OSBP2: variants seen among roughly 807,000 people sequenced by gnomAD.
OSBP2 encodes the protein oxysterol binding protein 2.
Under a neutral mutation model 96.0 loss-of-function variants are expected in OSBP2, and 66 were observed. That is an observed-to-expected ratio of 0.69 (90% CI 0.56 to 0.84). OSBP2 has a LOEUF of 0.84. Ranked by LOEUF, OSBP2 falls within the 40% of genes least tolerant of loss-of-function variation. OSBP2 has a pLI of 0.00. For synonymous variants in OSBP2, 525 were observed against 520.9 expected, an observed-to-expected ratio of 1.01 and a Z score of -0.11; for missense variants, 1,038 against 1,222.7, an observed-to-expected ratio of 0.85 and a Z score of 2.25.
chr22:30,722,875 T>G (rs2089576525), intron 1 of OSBP2, among the ~76,000 whole-genome samples: 1 of 149,948 alleles, frequency 6.7e-6, no homozygotes, highest in African/African-American at 2.5e-5. Context: ...GCTTTTACCT[T>G]CTGAGCTCAA....
chr22:30,904,622 G>A (rs2040288869), intron 12 of OSBP2, among the ~76,000 whole-genome samples: 1 of 150,604 alleles, frequency 6.6e-6, no homozygotes, highest in African/African-American at 2.5e-5. Context: ...ACACACATTA[G>A]GAAAGATGGA....
rs1458624077 is a variant in OSBP2, at chr22:30,784,247, TATTTATTTATTA to T, written c.853+42891_853+42902del. Among the ~76,000 whole-genome samples the T allele has an allele frequency of 2.6e-5, 4 of 152,104 alleles. No homozygotes were observed. In the East Asian group the frequency reaches 7.7e-4, roughly 29 times the overall value. On this transcript the variant is annotated intron_variant, in intron 2 of 13. Coordinates refer to ENST00000332585, the MANE Select transcript of OSBP2 (RefSeq NM_030758.4). The stretch of plus-strand genomic sequence containing the variant: ...AACCATTCAACAAGTGTGATTTATT[TATTTATTTATTA>T]ATTTATTTATTATTTTGAGACAGGG...
intron 1 of OSBP2, among the ~76,000 whole-genome samples, chr22:30,725,547 A>AAC (rs1569097942): frequency 1.3e-5 from 2 of 149,446 alleles, no homozygotes. Context: ...AACAAAAACA[A>AAC]AAAAAAAAAC....
intron 1 of OSBP2, among the ~76,000 whole-genome samples, chr22:30,730,774 C>CTCTCTCTA (rs1569100458): frequency 8.0e-4 from 11 of 13,830 alleles, no homozygotes; most frequent in Non-Finnish European, 9.5e-4. Flanking sequence ...CTCTCTCTCT[C>CTCTCTCTA]TATATATATA....
intron 2 of OSBP2, chr22:30,822,508 G>GGACCCACGAGAGTCCGCCGCCTC: frequency 7.4e-7 from 1 of 1,348,416 alleles, no homozygotes; most frequent in Non-Finnish European, 9.5e-7. Flanking sequence ...CGCGGCGCCG[G>GGACCCACGAGAGTCCGCCGCCTC]GACCCACGAG....
chr22:30,718,951 T>C (rs1456026881), intron 1 of OSBP2, among the ~76,000 whole-genome samples: 1 of 152,324 alleles, frequency 6.6e-6, no homozygotes. Context: ...GAATTTTTTA[T>C]TTTCAGAAAA....
chr22:30,754,094 GTCTT>G (rs1225700891), intron 2 of OSBP2, among the ~76,000 whole-genome samples: 2 of 152,112 alleles, frequency 1.3e-5, no homozygotes, highest in Non-Finnish European at 2.9e-5. Flanking sequence ...ATTACTCTGA[GTCTT>G]TCTTTCTGCT....
intron 2 of OSBP2, among the ~76,000 whole-genome samples, chr22:30,853,916 T>C (rs1386821935): frequency 2.6e-5 from 4 of 152,036 alleles, no homozygotes; most frequent in African/African-American, 9.7e-5. Flanking sequence ...CCCGCCACCA[T>C]GCCCGGCTAA....
Position 30,894,021 on chromosome 22 carries a change from G to GC in OSBP2, c.2375+24dup. On this transcript the variant is annotated intron_variant, in intron 12 of 13. Transcript: ENST00000332585. Reference sequence around the variant, plus strand: ...GCTGCCGTGAGTAGGGCTGGCAGGGGCCCCGCCACAGGCAAAGGAGAGGGA... The same window carrying GC: ...GCTGCCGTGAGTAGGGCTGGCAGGGGCCCCCGCCACAGGCAAAGGAGAGGGA... The GC allele has an allele frequency of 6.3e-7, 1 of 1,575,102 alleles. No homozygotes were observed. The highest frequency in any genetic ancestry group is 8.6e-7 in the Non-Finnish European group (1 of 1,162,772).
intron 2 of OSBP2, among the ~76,000 whole-genome samples, chr22:30,778,595 A>G (rs940764437): frequency 1.3e-5 from 2 of 151,896 alleles, no homozygotes; most frequent in Non-Finnish European, 2.9e-5. Context: ...GGAAAATTCT[A>G]TTGGGTAGTG....
chr22:30,694,305 G>T, upstream of OSBP2: 1 of 1,549,132 alleles, frequency 6.5e-7, no homozygotes. Context: ...GCCACTTGGG[G>T]CCACCGCTTC....
At chr22:30,828,996 C>T (rs1372880989) in intron 2 of OSBP2, among the ~76,000 whole-genome samples, 1 of 152,152 alleles carries the variant, frequency 6.6e-6, no homozygotes, top group Non-Finnish European at 1.5e-5. Flanking sequence ...AAGCACCAGC[C>T]CTGTGCGCTT....
At position 30,889,233 on chromosome 22, in the gene OSBP2, A is replaced by G. The variant is rs753893861; in HGVS notation, c.1475A>G (p.Asn492Ser). ...TSSVDWSSAD[N>S]VLDGASLVPK... Reference sequence around the variant, plus strand: ...TCCGTGGACTGGAGCTCAGCAGACAATGTAAGTGAGGGGGAGCACTGTAAG... The same window carrying G: ...TCCGTGGACTGGAGCTCAGCAGACAGTGTAAGTGAGGGGGAGCACTGTAAG... Residue 492 changes from asparagine to serine, a missense_variant and splice_region_variant, in exon 6 of 14, where the codon AAT becomes AGT. Around this residue, in one of 3 missense-constraint regions of OSBP2, gnomAD observed 737 missense variants for 913.3 expected, o/e 0.81. Transcript: ENST00000332585. 5 of 1,612,736 alleles carry G rather than the reference A, an allele frequency of 3.1e-6. No homozygotes were observed. The highest frequency in any genetic ancestry group is 1.1e-5 in the South Asian group (1 of 91,008).
chr22:30,888,391 C>T (rs764486694), intron 5 of OSBP2, 51 bp downstream of exon 5: 12 of 1,094,196 alleles, frequency 1.1e-5, no homozygotes, highest in Non-Finnish European at 1.7e-5. Context: ...TCTTAGGCTG[C>T]ATCTGGTCTT....
At chr22:30,765,834 C>T (rs16989072) in intron 2 of OSBP2, among the ~76,000 whole-genome samples, 1 of 152,312 alleles carries the variant, frequency 6.6e-6, no homozygotes, top group East Asian at 1.9e-4. Flanking sequence ...AAAACCACTT[C>T]TGTCTATATC....
chr22:30,797,653 A>ACAAT (rs1231168203), intron 2 of OSBP2, among the ~76,000 whole-genome samples: 3 of 151,222 alleles, frequency 2.0e-5, no homozygotes, highest in Non-Finnish European at 4.4e-5. Flanking sequence ...GTGCAGTGGC[A>ACAAT]CAATCAAGGC....
At chr22:30,867,649 G>T (rs762925240) in intron 2 of OSBP2, among the ~76,000 whole-genome samples, 13 of 152,234 alleles carry the variant, frequency 8.5e-5, no homozygotes, top group African/African-American at 1.4e-4. Flanking sequence ...CTTGAGGCCA[G>T]AACAAGCATG....
At chr22:30,764,421 C>A in intron 2 of OSBP2, 1 of 983,318 alleles carries the variant, frequency 1.0e-6, no homozygotes, top group Non-Finnish European at 1.2e-6. Flanking sequence ...TCCTCCTGTT[C>A]CTGTTGGGTG....
chr22:30,722,455 T>C (rs1004737957), intron 1 of OSBP2, among the ~76,000 whole-genome samples: 11 of 152,154 alleles, frequency 7.2e-5, no homozygotes, highest in Admixed American at 2.6e-4. Context: ...TGTGTATCTC[T>C]TTAGAGTTTT....
Sources: allele counts gnomAD v4.1 joint callset (sites outside exome capture counted in the v4.1 genomes callset), GRCh38; gene constraint gnomAD v4.1.1; regional missense constraint gnomAD v4.1.1; transcripts MANE v1.5; gene names NCBI Gene and HGNC (gene_info 2026-07-23, HGNC 2026-07-21).